CAND2: variants seen among roughly 807,000 people sequenced by gnomAD.
CAND2 encodes the protein cullin-associated NEDD8-dissociated protein 2.
A neutral mutation model predicts 98.9 loss-of-function variants in CAND2; 62 were observed. The ratio of observed to expected loss-of-function variants is 0.63; its 90% CI spans 0.51 to 0.77. The LOEUF (loss-of-function observed/expected upper bound fraction) is 0.77, where lower values mean the gene tolerates loss of function less well. Among genes scored for constraint, CAND2 ranks in the 30% least tolerant of loss-of-function variants. The pLI, the probability that CAND2 is intolerant of heterozygous loss-of-function variation, is 0.00. For synonymous variants in CAND2, 770 were observed against 731.9 expected (o/e 1.05, Z -0.84); for missense variants, 1,501 against 1,655.2 (o/e 0.91, Z 1.62).
At chr3:12,813,918 G>C (rs1190461753) in intron 7 of CAND2, among the ~76,000 whole-genome samples, 1 of 152,232 alleles carries the variant, frequency 6.6e-6, no homozygotes, top group Non-Finnish European at 1.5e-5. Flanking sequence ...CTGTCATTCA[G>C]ACAGATTTCC....
chr3:12,803,012 C>T (rs1351298286), intron 1 of CAND2, among the ~76,000 whole-genome samples: 4 of 123,962 alleles, frequency 3.2e-5, no homozygotes, highest in Admixed American at 9.2e-5. Context: ...TTTTTGGAGA[C>T]GGAGTCTCTC....
chr3:12,815,929 G>A lies in CAND2; in HGVS notation c.1362G>A (p.Gln454=). 6.2e-7 allele frequency: 1 copy of A among 1,613,876 alleles called. No individual in the cohort carries two copies. Among genetic ancestry groups the A allele is most frequent in the Non-Finnish European group, 8.5e-7 (1 of 1,179,988 alleles). The change falls in exon 9 of 15, where the codon CAG becomes CAA. Residue 454 remains glutamine, a synonymous_variant. Transcript: ENST00000456430. The surrounding 1 kb of genome is among the most constrained non-coding windows in gnomAD (Gnocchi z 5.7). ...QLKDRSVRAR[Q]GCFSLLTELA... The stretch of plus-strand genomic sequence containing the variant: ...AAGATCGGAGCGTCAGAGCCCGCCA[G>A]GGATGCTTCAGCCTCCTCACCGAGC...
At chr3:12,823,655 G>A (rs916762642) in intron 11 of CAND2, among the ~76,000 whole-genome samples, 4 of 152,134 alleles carry the variant, frequency 2.6e-5, no homozygotes, top group Admixed American at 1.3e-4. Flanking sequence ...GCGTGAACCC[G>A]GGAGGCAGAG....
intron 3 of CAND2, 34 bp downstream of exon 3, chr3:12,807,494 A>G (rs936281975): frequency 1.8e-5 from 27 of 1,525,572 alleles, no homozygotes; most frequent in Admixed American, 1.5e-4. Flanking sequence ...TACTGTTAGT[A>G]TTTGTCCTAG....
intron 13 of CAND2, among the ~76,000 whole-genome samples, chr3:12,829,954 A>C (rs145304854): frequency 3.3e-5 from 5 of 152,208 alleles, no homozygotes; most frequent in African/African-American, 4.8e-5. Flanking sequence ...ATTACAGACA[A>C]TGCTGCTGTG....
chr3:12,827,825 A>C (rs2062016665), intron 13 of CAND2, among the ~76,000 whole-genome samples: 1 of 151,794 alleles, frequency 6.6e-6, no homozygotes, highest in African/African-American at 2.4e-5. Flanking sequence ...AGCAACCAGA[A>C]AAAAAAAATT....
chr3:12,805,832 G>A (rs969646385), intron 2 of CAND2, among the ~76,000 whole-genome samples: 31 of 152,194 alleles, frequency 2.0e-4, no homozygotes, highest in African/African-American at 6.3e-4. Flanking sequence ...GGCATGGACA[G>A]TGCTTTGTTT....
chr3:12,823,304 G>T (rs1198621215), intron 11 of CAND2, among the ~76,000 whole-genome samples: 2 of 111,300 alleles, frequency 1.8e-5, no homozygotes, highest in African/African-American at 7.1e-5. Flanking sequence ...TTTTGCAGGG[G>T]GTGGGTATGG....
chr3:12,809,621 T>G (rs1467573717), intron 4 of CAND2, among the ~76,000 whole-genome samples: 1 of 151,946 alleles, frequency 6.6e-6, no homozygotes, highest in Non-Finnish European at 1.5e-5. Context: ...AGCCCAGAGC[T>G]CAGCATCTCC....
At chr3:12,804,631 G>A (rs1332687841) in intron 2 of CAND2, among the ~76,000 whole-genome samples, 1 of 152,184 alleles carries the variant, frequency 6.6e-6, no homozygotes, top group Non-Finnish European at 1.5e-5. Flanking sequence ...ATGCTTGTGT[G>A]GTAGGGTCAT....
Position 12,825,484 on chromosome 3 carries a change from A to G in CAND2, c.3055A>G (p.Ser1019Gly). Reference sequence around the variant, plus strand: ...TCTTCTGCCAGGAGAGTTCATGGAGAGCCTGCAGGACCCAGACCTGAACGT... The same window carrying G: ...TCTTCTGCCAGGAGAGTTCATGGAGGGCCTGCAGGACCCAGACCTGAACGT... ...LKSFIGEFME[S>G]LQDPDLNVRR... Residue 1019 changes from serine (S) to glycine (G), a missense_variant, in exon 12 of 15, where the codon AGC becomes GGC. Coordinates refer to ENST00000456430, the MANE Select transcript of CAND2 (RefSeq NM_001162499.2). The G allele has an allele frequency of 6.4e-7, 1 of 1,555,840 alleles. No individual in the cohort carries two copies. Among genetic ancestry groups the G allele is most frequent in the Non-Finnish European group, 8.7e-7 (1 of 1,148,946 alleles).
At chr3:12,820,245 C>A in intron 11 of CAND2, 64 bp downstream of exon 11, 1 of 1,238,790 alleles carries the variant, frequency 8.1e-7, no homozygotes, top group Non-Finnish European at 1.2e-6. Context: ...TGAGCTTGGG[C>A]TGATGTTTAC....
chr3:12,833,630 C>A lies in CAND2; in HGVS notation c.3484-125C>A, dbSNP rs1575785913. 1.7e-5 allele frequency: 13 copies of A among 763,442 alleles called. No individual in the cohort carries two copies. In the East Asian group the frequency reaches 3.2e-4, roughly 19 times the overall value. The allele number at this position is 763,442 out of a possible 1,614,324, so 47.3% of individuals were successfully genotyped here. The stretch of plus-strand genomic sequence containing the variant: ...CTGGTGAGACAGAAGCCTCAGGAGA[C>A]CTCGCAGCAGGGATTTATGTTGGGG... On this transcript the variant is annotated intron_variant, in intron 14 of 14. Coordinates refer to ENST00000456430, the MANE Select transcript of CAND2 (RefSeq NM_001162499.2).
At position 12,833,957 on chromosome 3, in the gene CAND2, GCA is replaced by G. The variant is rs1392949170; in HGVS notation, c.3689_3690del (p.Thr1230ArgfsTer18). On this transcript the variant is annotated frameshift_variant, in exon 15 of 15. Transcript: ENST00000456430. LOFTEE classifies it high-confidence loss of function. ...CAGAAGGATTCCGCTTCAGCCCCCA[GCA>G]CAGACTCAATGGAGCTCAGCTAGTC... 3.7e-6 allele frequency: 6 copies of G among 1,614,090 alleles called. No individual in the cohort carries two copies. The highest frequency in any genetic ancestry group is 2.2e-5 in the South Asian group (2 of 91,070).
At chr3:12,803,359 G>A in intron 1 of CAND2, 129 bp from the exon 2 acceptor site, 1 of 769,498 alleles carries the variant, frequency 1.3e-6, no homozygotes, top group Non-Finnish European at 1.9e-6. Flanking sequence ...ACATCATTAT[G>A]TGACACAGGA....
intron 11 of CAND2, among the ~76,000 whole-genome samples, chr3:12,820,425 C>A (rs1444944207): frequency 1.3e-5 from 2 of 152,238 alleles, no homozygotes; most frequent in Non-Finnish European, 2.9e-5. Context: ...CTTTCCTCAT[C>A]TGTCAAATGG....
chr3:12,796,730 G>A lies in CAND2; in HGVS notation c.10G>A (p.Ala4Thr), dbSNP rs754763089. MSTAAFHISSLLEK... is the reference protein window; with the variant it reads MSTTAFHISSLLEK... ...GCGGCGCGCAGCCACCATGAGCACC[G>A]CCGCCTTCCACATCTCCAGCCTCCT... Residue 4 changes from alanine (A) to threonine (T), a missense_variant, in exon 1 of 15, where the codon GCC becomes ACC. By Grantham distance (58) the Ala-to-Thr change is moderately conservative. Coordinates refer to ENST00000456430, the MANE Select transcript of CAND2 (RefSeq NM_001162499.2). 6.3e-7 allele frequency: 1 copy of A among 1,585,424 alleles called. No individual in the cohort carries two copies. The highest frequency in any genetic ancestry group is 8.6e-7 in the Non-Finnish European group (1 of 1,166,494).
rs1184182597 is a variant in CAND2 at position 12,815,129 on chromosome 3, T to C, written c.1007-12T>C. 6.3e-7 allele frequency: 1 copy of C among 1,597,192 alleles called. No homozygotes were observed. The highest frequency in any genetic ancestry group is 8.6e-7 in the Non-Finnish European group (1 of 1,168,768). On this transcript the variant is annotated splice_polypyrimidine_tract_variant and intron_variant, in intron 7 of 14. Transcript: ENST00000456430. The surrounding 1 kb of genome is among the most constrained non-coding windows in gnomAD (Gnocchi z 5.7). ...AGATGAGGGTTCCACGTGTGTCTTG[T>C]TCCTGCCCCAGAGAGTGAAGACGAG...
Position 12,817,370 on chromosome 3 carries a change from C to T in CAND2, c.2438C>T (p.Ala813Val). The change falls in exon 10 of 15, where the codon GCT (alanine) becomes GTT (valine). Residue 813 changes from alanine to valine, a missense_variant. Physicochemically the swap from Ala to Val is moderately conservative, Grantham distance 64. Transcript: ENST00000456430. ...SLARCVAALS[A>V]ACPQEAASTA... ...GCCCGGTGTGTGGCAGCCCTCTCAG[C>T]TGCCTGTCCCCAAGAGGCGGCAAGC... 6.2e-7 allele frequency: 1 copy of T among 1,613,832 alleles called. No homozygotes were observed. The highest frequency in any genetic ancestry group is 8.5e-7 in the Non-Finnish European group (1 of 1,180,038).
Sources: allele counts gnomAD v4.1 joint callset (sites outside exome capture counted in the v4.1 genomes callset), GRCh38; gene constraint gnomAD v4.1.1; non-coding constraint Gnocchi (gnomAD v3.1); transcripts MANE v1.5; gene names NCBI Gene and HGNC (gene_info 2026-07-23, HGNC 2026-07-21).